The following UBE2E2 variants were observed in gnomAD, a reference collection of about 807,000 sequenced individuals.
UBE2E2 encodes the protein ubiquitin conjugating enzyme E2 E2.
UBE2E2 carries 6 observed loss-of-function variants against 24.7 expected under a neutral mutation model. The observed-to-expected ratio is 0.24, with a 90% CI of 0.13 to 0.48. The LOEUF (loss-of-function observed/expected upper bound fraction) is 0.48. UBE2E2 is among the 20% of genes least tolerant of loss of function. UBE2E2 has a pLI of 0.99. For missense variants in UBE2E2, 169 were observed against 245.0 expected, an observed-to-expected ratio of 0.69 and a Z score of 2.07; for synonymous variants, 104 against 83.6, an observed-to-expected ratio of 1.24 and a Z score of -1.33.
chr3:23,235,841 G>C (rs1697089974), intron 3 of UBE2E2, among the ~76,000 whole-genome samples: 1 of 152,138 alleles, frequency 6.6e-6, no homozygotes, highest in Non-Finnish European at 1.5e-5. Context: ...ACAGGATCAA[G>C]AGTTCTGTTT....
At chr3:23,290,215 T>C (rs1698726202) in intron 3 of UBE2E2, among the ~76,000 whole-genome samples, 1 of 152,240 alleles carries the variant, frequency 6.6e-6, no homozygotes, top group Non-Finnish European at 1.5e-5. Flanking sequence ...GCAGCTTCTG[T>C]ATCTTGTTAC....
chr3:23,215,650 C>A (rs1696456700), intron 2 of UBE2E2, among the ~76,000 whole-genome samples: 1 of 152,012 alleles, frequency 6.6e-6, no homozygotes, highest in African/African-American at 2.4e-5. Flanking sequence ...TGATTTACAC[C>A]CATTTGTTTT....
chr3:23,362,510 G>A (rs1313270694), intron 3 of UBE2E2, among the ~76,000 whole-genome samples: 1 of 152,164 alleles, frequency 6.6e-6, no homozygotes, highest in Non-Finnish European at 1.5e-5. Context: ...CATCCCTGCT[G>A]GATGAGGCTT....
chr3:23,419,303 C>A (rs1697735950), intron 3 of UBE2E2, among the ~76,000 whole-genome samples: 1 of 152,054 alleles, frequency 6.6e-6, no homozygotes. Context: ...CTTGTAATAA[C>A]CCCCTAAGCT....
chr3:23,340,609 G>GT (rs1288631681), intron 3 of UBE2E2, among the ~76,000 whole-genome samples: 1 of 152,112 alleles, frequency 6.6e-6, no homozygotes, highest in Non-Finnish European at 1.5e-5. Flanking sequence ...AAGATGCTGA[G>GT]TGGGTCCATA....
intron 3 of UBE2E2, among the ~76,000 whole-genome samples, chr3:23,223,472 C>T (rs768607596): frequency 1.1e-4 from 17 of 152,044 alleles, no homozygotes; most frequent in Non-Finnish European, 2.4e-4. Flanking sequence ...GTATTACAGG[C>T]GTGAGCTGCG....
chr3:23,310,713 CCT>C (rs1052063429), intron 3 of UBE2E2, among the ~76,000 whole-genome samples: 3 of 152,056 alleles, frequency 2.0e-5, no homozygotes, highest in Non-Finnish European at 2.9e-5. Flanking sequence ...ACAAGGCACC[CCT>C]GTCTCTATAA....
At chr3:23,404,079 C>T (rs1697295390) in intron 3 of UBE2E2, among the ~76,000 whole-genome samples, 2 of 152,066 alleles carry the variant, frequency 1.3e-5, no homozygotes, top group Non-Finnish European at 2.9e-5. Flanking sequence ...AACTTGTTGA[C>T]CCCATTTTCT....
intron 5 of UBE2E2, among the ~76,000 whole-genome samples, chr3:23,588,364 G>A (rs61241699): frequency 0.048 from 7,162 of 150,550 alleles, 566 homozygotes; most frequent in African/African-American, 0.17. Flanking sequence ...AGGAACCTAA[G>A]TTACTTTTTT....
chr3:23,323,457 G>C (rs899201300), intron 3 of UBE2E2: 2 of 414,996 alleles, frequency 4.8e-6, no homozygotes, highest in African/African-American at 2.1e-5. Flanking sequence ...TAAGTAATAC[G>C]GGGTGAGCAT....
rs181540399 is a variant in UBE2E2, at chr3:23,589,249, A to G, written c.509-485A>G. Among the ~76,000 whole-genome samples, 2 of 151,934 alleles carry G rather than the reference A, an allele frequency of 1.3e-5. No homozygotes were observed. The highest frequency in any genetic ancestry group is 1.9e-4 in the East Asian group (1 of 5,164). On this transcript the variant is annotated intron_variant, in intron 5 of 5. Coordinates refer to ENST00000396703, the MANE Select transcript of UBE2E2 (RefSeq NM_152653.4). This position sits in a 1 kb window ranked among gnomAD's most constrained non-coding sequence, Gnocchi z 4.1. ...TGGACAACATAGTGAGACCCCCAAA[A>G]TTACAAAAAAAAATTTGAAAATTAG...
chr3:23,245,977 G>C (rs2125341500), intron 3 of UBE2E2, among the ~76,000 whole-genome samples: 1 of 152,298 alleles, frequency 6.6e-6, no homozygotes, highest in Non-Finnish European at 1.5e-5. Flanking sequence ...AAAAGGAGAA[G>C]CAGGAGACTT....
At chr3:23,461,886 T>C (rs1365453359) in intron 3 of UBE2E2, among the ~76,000 whole-genome samples, 1 of 152,184 alleles carries the variant, frequency 6.6e-6, no homozygotes, top group Non-Finnish European at 1.5e-5. Flanking sequence ...TCAAGAGTAA[T>C]ATGACTATAT....
At chr3:23,524,865 G>GACACACACACACACACACACACACAC (rs59806964) in intron 4 of UBE2E2, among the ~76,000 whole-genome samples, 1 of 147,426 alleles carries the variant, frequency 6.8e-6, no homozygotes, top group African/African-American at 2.5e-5. Flanking sequence ...CAGACACACA[G>GACACACACACACACACACACACACAC]ACACACACAC....
At chr3:23,512,428 C>T (rs115275830) in intron 4 of UBE2E2, among the ~76,000 whole-genome samples, 2,161 of 107,006 alleles carry the variant, frequency 0.02, 52 homozygotes, top group African/African-American at 0.079. Context: ...TATGTTGTCA[C>T]GGGCTGATCT....
At chr3:23,576,050 C>A (rs1696339873) in intron 5 of UBE2E2, among the ~76,000 whole-genome samples, 1 of 152,122 alleles carries the variant, frequency 6.6e-6, no homozygotes, top group South Asian at 2.1e-4. Flanking sequence ...AAACCATTAA[C>A]TGTAGTTGCC....
At chr3:23,349,401 C>T (rs552786674) in intron 3 of UBE2E2, among the ~76,000 whole-genome samples, 4 of 152,210 alleles carry the variant, frequency 2.6e-5, no homozygotes, top group Non-Finnish European at 5.9e-5. Context: ...GGGTGCAGCA[C>T]ACTGTGCGCG....
At chr3:23,295,253 C>G (rs1698878756) in intron 3 of UBE2E2, among the ~76,000 whole-genome samples, 1 of 152,158 alleles carries the variant, frequency 6.6e-6, no homozygotes, top group Admixed American at 6.5e-5. Flanking sequence ...GAGCATTGCA[C>G]TTTTCTCCAC....
chr3:23,333,932 T>C (rs1473164585), intron 3 of UBE2E2, among the ~76,000 whole-genome samples: 1 of 152,188 alleles, frequency 6.6e-6, no homozygotes, highest in Non-Finnish European at 1.5e-5. Flanking sequence ...CAAGTTCAGA[T>C]CATAGAACTT....
Sources: allele counts gnomAD v4.1 joint callset (sites outside exome capture counted in the v4.1 genomes callset), GRCh38; gene constraint gnomAD v4.1.1; non-coding constraint Gnocchi (gnomAD v3.1); transcripts MANE v1.5; gene names NCBI Gene and HGNC (gene_info 2026-07-23, HGNC 2026-07-21).